ARHGAP10: variants seen among roughly 807,000 people sequenced by gnomAD.
The protein encoded by ARHGAP10 is Rho GTPase activating protein 10.
In ARHGAP10, 87 loss-of-function variants were observed where a neutral mutation model predicts 108.6. The observed-to-expected ratio is 0.80, with a 90% CI of 0.67 to 0.96. The LOEUF is 0.96. ARHGAP10 is among the 40% of genes least tolerant of loss of function. ARHGAP10 has a pLI of 0.00. For missense variants in ARHGAP10, 939 were observed against 954.5 expected (o/e 0.98, Z 0.21); for synonymous variants, 347 against 341.1 (o/e 1.02, Z -0.19).
intron 1 of ARHGAP10, among the ~76,000 whole-genome samples, chr4:147,786,190 T>C (rs560501272): frequency 2.0e-5 from 3 of 152,172 alleles, no homozygotes; most frequent in African/African-American, 4.8e-5. Flanking sequence ...AGTAACCTTA[T>C]TAGCTGGTAG....
At chr4:148,036,382 G>A (rs532969721) in intron 19 of ARHGAP10, among the ~76,000 whole-genome samples, 1 of 152,254 alleles carries the variant, frequency 6.6e-6, no homozygotes, top group South Asian at 2.1e-4. Context: ...ATCTTGAATT[G>A]TAGTTCCTAT....
At chr4:148,061,623 T>C (rs1429026511) in intron 20 of ARHGAP10, among the ~76,000 whole-genome samples, 1 of 152,178 alleles carries the variant, frequency 6.6e-6, no homozygotes, top group African/African-American at 2.4e-5. Context: ...GTTTTTTTTT[T>C]TTAAATGACC....
chr4:147,790,662 G>C (rs1337925240), intron 1 of ARHGAP10, among the ~76,000 whole-genome samples: 1 of 152,210 alleles, frequency 6.6e-6, no homozygotes, highest in Non-Finnish European at 1.5e-5. Context: ...ACCTGAGCTA[G>C]AGTAGCCCAC....
At chr4:147,810,839 G>C (rs1223795257) in intron 1 of ARHGAP10, among the ~76,000 whole-genome samples, 1 of 152,038 alleles carries the variant, frequency 6.6e-6, no homozygotes, top group Non-Finnish European at 1.5e-5. Context: ...ATCATGACAG[G>C]GTCTGTCACT....
chr4:147,747,675 AAATT>A (rs1728992162), intron 1 of ARHGAP10, among the ~76,000 whole-genome samples: 1 of 152,174 alleles, frequency 6.6e-6, no homozygotes, highest in Non-Finnish European at 1.5e-5. Flanking sequence ...TAGAGTTTAA[AAATT>A]AATCTGAACT....
At chr4:148,041,109 A>G (rs771552200) in intron 19 of ARHGAP10, among the ~76,000 whole-genome samples, 64 of 152,170 alleles carry the variant, frequency 4.2e-4, no homozygotes, top group Non-Finnish European at 7.8e-4. Flanking sequence ...TTCAACTAAT[A>G]TATTAGATCT....
At chr4:147,998,824 A>T (rs1740582533) in intron 18 of ARHGAP10, among the ~76,000 whole-genome samples, 1 of 152,240 alleles carries the variant, frequency 6.6e-6, no homozygotes, top group Non-Finnish European at 1.5e-5. Flanking sequence ...ATATCTTAAA[A>T]TTTGTATTTT....
At chr4:147,903,506 G>C (rs1384252550) in intron 10 of ARHGAP10, among the ~76,000 whole-genome samples, 1 of 152,080 alleles carries the variant, frequency 6.6e-6, no homozygotes, top group Non-Finnish European at 1.5e-5. Context: ...GCTCACTCTT[G>C]GATTGTACAT....
chr4:147,993,674 C>CA (rs745809523), intron 18 of ARHGAP10, among the ~76,000 whole-genome samples: 37 of 152,162 alleles, frequency 2.4e-4, no homozygotes, highest in Non-Finnish European at 5.3e-4. Context: ...GCCAGGTTAA[C>CA]ACCATTTCTG....
intron 3 of ARHGAP10, among the ~76,000 whole-genome samples, chr4:147,846,019 A>G (rs1162685534): frequency 6.6e-6 from 1 of 152,142 alleles, no homozygotes; most frequent in African/African-American, 2.4e-5. Context: ...TGTTGCTCTT[A>G]ATTCTTTCTT....
At chr4:147,984,258 A>G (rs1739942262) in intron 18 of ARHGAP10, among the ~76,000 whole-genome samples, 1 of 152,246 alleles carries the variant, frequency 6.6e-6, no homozygotes. Context: ...CCCCCAGTAC[A>G]CATTCGCGTT....
chr4:147,991,112 T>C (rs1385797982), intron 18 of ARHGAP10, among the ~76,000 whole-genome samples: 1 of 149,044 alleles, frequency 6.7e-6, no homozygotes, highest in East Asian at 1.9e-4. Flanking sequence ...ACAATTTGTC[T>C]ATATAACAAA....
intron 18 of ARHGAP10, among the ~76,000 whole-genome samples, chr4:147,977,718 C>T (rs1001810468): frequency 1.3e-5 from 2 of 151,858 alleles, no homozygotes; most frequent in Non-Finnish European, 1.5e-5. Context: ...GGATATATTA[C>T]ATGGTGTTGA....
intron 18 of ARHGAP10, among the ~76,000 whole-genome samples, chr4:148,002,486 TG>T (rs2149646465): frequency 6.6e-6 from 1 of 152,342 alleles, no homozygotes; most frequent in South Asian, 2.1e-4. Flanking sequence ...TCAGAAGGAA[TG>T]GTACCAGCTC....
rs57572532 is a variant in ARHGAP10 at position 147,766,799 on chromosome 4, CATATATATATAT to C, written c.154+34373_154+34384del. Among the ~76,000 whole-genome samples, 454 of 126,422 alleles carry C rather than the reference CATATATATATAT, an allele frequency of 3.6e-3. 5 individuals are homozygous for C. The highest frequency in any genetic ancestry group is 0.016 in the African/African-American group (425 of 27,314). The allele number at this position is 126,422 out of a possible 152,430, so 82.9% of individuals were successfully genotyped here. On this transcript the variant is annotated intron_variant, in intron 1 of 22. Transcript: ENST00000336498. ...TCATATATATTCATACATATATTCA[CATATATATATAT>C]ATATATATATATATATATATATATA...
intron 1 of ARHGAP10, among the ~76,000 whole-genome samples, chr4:147,747,611 C>A (rs535989987): frequency 6.6e-6 from 1 of 152,212 alleles, no homozygotes; most frequent in Admixed American, 6.5e-5. Context: ...TGGAGAAGTT[C>A]TTTGCATGTG....
intron 1 of ARHGAP10, among the ~76,000 whole-genome samples, chr4:147,775,041 A>C (rs1730229152): frequency 2.6e-5 from 4 of 151,586 alleles, no homozygotes; most frequent in Non-Finnish European, 4.4e-5. Context: ...TCTACTTCTG[A>C]GTAGCTGGGA....
At chr4:147,852,211 T>G (rs1733900193) in intron 4 of ARHGAP10, among the ~76,000 whole-genome samples, 1 of 152,212 alleles carries the variant, frequency 6.6e-6, no homozygotes, top group Admixed American at 6.5e-5. Flanking sequence ...AGCCATAGCA[T>G]GTGGCTTATG....
intron 11 of ARHGAP10, among the ~76,000 whole-genome samples, chr4:147,908,622 T>G (rs550084187): frequency 6.6e-6 from 1 of 152,362 alleles, no homozygotes; most frequent in South Asian, 2.1e-4. Flanking sequence ...AAAGGTTGCC[T>G]AGAATTATCA....
Sources: allele counts gnomAD v4.1 joint callset (sites outside exome capture counted in the v4.1 genomes callset), GRCh38; gene constraint gnomAD v4.1.1; transcripts MANE v1.5; gene names NCBI Gene and HGNC (gene_info 2026-07-23, HGNC 2026-07-21).